Variants in ZNF705A observed in about 807,000 individuals in gnomAD.
ZNF705A encodes zinc finger protein 705A.
Under a neutral mutation model 16.6 loss-of-function variants are expected in ZNF705A, and 8 were observed. The observed-to-expected ratio is 0.48, with a 90% CI of 0.28 to 0.87. ZNF705A has a LOEUF of 0.87. Among genes scored for constraint, ZNF705A ranks in the 40% least tolerant of loss-of-function variants. The pLI is 0.10. For missense variants in ZNF705A, 233 were observed against 359.9 expected, an observed-to-expected ratio of 0.65 and a Z score of 2.85; for synonymous variants, 73 against 117.3, an observed-to-expected ratio of 0.62 and a Z score of 2.44.
In ZNF705A at chr12:8,161,877, C is replaced by T. The variant is rs116761681; in HGVS notation, c.-72+4785C>T. Among the ~76,000 whole-genome samples the T allele has an allele frequency of 6.8e-3, 1,036 of 152,246 alleles. 14 individuals are homozygous for T. The highest frequency in any genetic ancestry group is 0.023 in the African/African-American group (975 of 41,540). On this transcript the variant is annotated intron_variant, in intron 1 of 5. Coordinates refer to the ZNF705A transcript ENST00000396570. ...CCCAAATGCATTCAATCTGTAGCGG[C>T]AACTGCTTTGCTTACAGAAGAAAGT...
intron 1 of ZNF705A, among the ~76,000 whole-genome samples, chr12:8,162,851 C>G (rs1293551631): frequency 1.3e-5 from 2 of 152,292 alleles, no homozygotes; most frequent in South Asian, 2.1e-4. Context: ...GAATTAATCA[C>G]CCCACTTGCT....
In ZNF705A at chr12:8,166,728, C is replaced by T. The variant is rs376719048; in HGVS notation, c.-71-5827C>T. 1.4e-4 allele frequency among the ~76,000 whole-genome samples: 21 copies of T among 152,374 alleles called. 1 individual carries two copies. The highest frequency in any genetic ancestry group is 6.8e-3 in the Middle Eastern group (2 of 294). On this transcript the variant is annotated intron_variant, in intron 1 of 5. Transcript: ENST00000396570. ...GGCTTGTGGCTTGCGCCCTCTAAAG[C>T]GGTGGCCCAAACTATGTCTGGGGCC...
upstream of ZNF705A, among the ~76,000 whole-genome samples, chr12:8,169,958 G>A (rs762957958): frequency 1.3e-5 from 2 of 152,168 alleles, no homozygotes; most frequent in Non-Finnish European, 2.9e-5. Context: ...GAGAGGCGGA[G>A]GCTAGCGGAT....
intron 1 of ZNF705A, among the ~76,000 whole-genome samples, chr12:8,173,530 T>C (rs1434826958): frequency 6.6e-6 from 1 of 152,168 alleles, no homozygotes; most frequent in Non-Finnish European, 1.5e-5. Flanking sequence ...CGAGAGAAAG[T>C]TGAGAACAGG....
In ZNF705A at chr12:8,157,096, T is replaced by C. The variant is rs1948316294; in HGVS notation, c.-72+4T>C. The C allele has an allele frequency of 7.5e-6, 3 of 397,828 alleles. No homozygotes were observed. Among genetic ancestry groups the C allele is most frequent in the Non-Finnish European group, 1.3e-5 (3 of 225,552 alleles). 24.6% of individuals were successfully genotyped at this position (397,828 alleles called of 1,614,324 possible). A position where few individuals can be genotyped will look rare whatever the true frequency, so the allele number is the denominator to read the frequency against. On this transcript the variant is annotated splice_donor_region_variant and intron_variant, in intron 1 of 5. Coordinates refer to the ZNF705A transcript ENST00000396570. ...TGAAATGCAATTCCGCTTAAAGGTATAACTTTGCCATGAGTAATCAGACTT... is the reference window on the plus strand; with the variant it reads ...TGAAATGCAATTCCGCTTAAAGGTACAACTTTGCCATGAGTAATCAGACTT...
chr12:8,160,114 G>A (rs1370550704), intron 1 of ZNF705A, among the ~76,000 whole-genome samples: 2 of 152,180 alleles, frequency 1.3e-5, no homozygotes, highest in East Asian at 3.9e-4. Flanking sequence ...TGTTTGCTTT[G>A]TTGAAGATCA....
At chr12:8,178,990 C>T (rs1330152251) in exon 5 of ZNF705A, 1 of 152,172 alleles carries the variant, frequency 6.6e-6, no homozygotes, top group African/African-American at 2.4e-5. Flanking sequence ...GATCTTCAGC[C>T]CCACTTGCTA....
chr12:8,164,962 A>C (rs2120705417), intron 1 of ZNF705A, among the ~76,000 whole-genome samples: 1 of 152,314 alleles, frequency 6.6e-6, no homozygotes, highest in East Asian at 1.9e-4. Flanking sequence ...ACAGTGTAAA[A>C]GTGTTCTTAT....
At chr12:8,158,212 T>C (rs1948325466) in intron 1 of ZNF705A, among the ~76,000 whole-genome samples, 2 of 152,282 alleles carry the variant, frequency 1.3e-5, no homozygotes, top group South Asian at 4.1e-4. Flanking sequence ...AATTCTCAGA[T>C]AATTTTTCTT....
chr12:8,175,323 G>A lies in ZNF705A; in HGVS notation c.235G>A (p.Asp79Asn), dbSNP rs1409230382. The A allele has an allele frequency of 3.1e-6, 5 of 1,596,868 alleles. No homozygotes were observed. In the African/African-American group the frequency reaches 4.0e-5, roughly 13 times the overall value. Reference sequence around the variant, plus strand: ...AGAATTTCTTCAAGACCAGAATCCAGGTAAGCAACAGGGTCCTGTGCTCTA... The same window carrying A: ...AGAATTTCTTCAAGACCAGAATCCAAGTAAGCAACAGGGTCCTGTGCTCTA... The change falls in exon 3 of 5, where the codon GAC becomes AAC. Residue 79 changes from aspartate to asparagine, a missense_variant and splice_region_variant. Asp to Asn is a conservative substitution (Grantham distance 23). Around this residue, in one of 3 missense-constraint regions of ZNF705A, gnomAD observed 220 missense variants for 271.4 expected, o/e 0.81. Transcript: ENST00000359286.
chr12:8,168,450 A>G (rs186169742), upstream of ZNF705A, among the ~76,000 whole-genome samples: 4 of 152,254 alleles, frequency 2.6e-5, no homozygotes, highest in Admixed American at 1.3e-4. Flanking sequence ...TTGTTACTTG[A>G]CATTCTCATA....
intron 1 of ZNF705A, among the ~76,000 whole-genome samples, chr12:8,167,247 C>G (rs1046665903): frequency 3.3e-5 from 5 of 152,098 alleles, no homozygotes; most frequent in South Asian, 2.1e-4. Context: ...ATAATACACT[C>G]AAAAGTACTT....
exon 5 of ZNF705A, chr12:8,177,679 T>A: frequency 6.4e-7 from 1 of 1,551,876 alleles, no homozygotes; most frequent in Non-Finnish European, 8.7e-7. Flanking sequence ...ATCAGAAAAT[T>A]CACGCTGGAG....
At chr12:8,179,669 A>G (rs1302120143) in exon 5 of ZNF705A, 1 of 152,238 alleles carries the variant, frequency 6.6e-6, no homozygotes, top group African/African-American at 2.4e-5. Flanking sequence ...GTTTATGTCA[A>G]GTGTGAGGAT....
chr12:8,164,638 A>G (rs1306408996), intron 1 of ZNF705A, among the ~76,000 whole-genome samples: 1 of 152,156 alleles, frequency 6.6e-6, no homozygotes, highest in Admixed American at 6.5e-5. Context: ...TTCCAGTTCC[A>G]TTCATGTTCC....
At chr12:8,176,059 G>GA in intron 4 of ZNF705A, 117 bp downstream of exon 5, 1 of 1,505,440 alleles carries the variant, frequency 6.6e-7, no homozygotes, top group Admixed American at 2.2e-5. Flanking sequence ...TGCTTTCTAA[G>GA]CAAAAAAAAA....
intron 4 of ZNF705A, among the ~76,000 whole-genome samples, chr12:8,176,613 C>T (rs1451005837): frequency 6.6e-6 from 1 of 152,126 alleles, no homozygotes; most frequent in Non-Finnish European, 1.5e-5. Flanking sequence ...ATCAGATATG[C>T]ATTTGTGTCT....
upstream of ZNF705A, chr12:8,157,019 C>G: frequency 2.5e-6 from 1 of 397,968 alleles, no homozygotes; most frequent in Non-Finnish European, 4.4e-6. Context: ...TCCAGTGACT[C>G]GTCAAAAATC....
At chr12:8,177,519 G>A (rs766401876) in exon 5 of ZNF705A, 2 of 1,612,380 alleles carry the variant, frequency 1.2e-6, no homozygotes, top group East Asian at 4.5e-5. Flanking sequence ...ATTCACACTG[G>A]AGAGAAACCA....
Sources: allele counts gnomAD v4.1 joint callset (sites outside exome capture counted in the v4.1 genomes callset), GRCh38; gene constraint gnomAD v4.1.1; regional missense constraint gnomAD v4.1.1; transcripts MANE v1.5; gene names NCBI Gene and HGNC (gene_info 2026-07-23, HGNC 2026-07-21).